INTS9: variants seen among roughly 807,000 people sequenced by gnomAD.
INTS9 encodes integrator complex subunit 9.
In INTS9, 55 loss-of-function variants were observed where a neutral mutation model predicts 79.7. That is an observed-to-expected ratio of 0.69 (90% CI 0.56 to 0.86). The LOEUF (loss-of-function observed/expected upper bound fraction) is 0.86, where lower values mean the gene tolerates loss of function less well. Ranked by LOEUF, INTS9 falls within the 40% of genes least tolerant of loss-of-function variation. The pLI is 0.00. For missense variants in INTS9, 721 were observed against 831.5 expected, an observed-to-expected ratio of 0.87 and a Z score of 1.64; for synonymous variants, 319 against 325.2, an observed-to-expected ratio of 0.98 and a Z score of 0.20.
chr8:28,879,729 G>A (rs1057106370), intron 1 of INTS9, among the ~76,000 whole-genome samples: 1 of 152,128 alleles, frequency 6.6e-6, no homozygotes, highest in Admixed American at 6.5e-5. Context: ...ATATTATTCA[G>A]CAAGAAAAAA....
rs1428192276 is a variant in INTS9, at chr8:28,884,383, C to T, written c.9+5491G>A. On this transcript the variant is annotated intron_variant, in intron 1 of 16. Transcript: ENST00000521022. Reference sequence around the variant, plus strand: ...TTTTTTTTGTACAGACAGGGTCTCACTATGTTGCCCAGGCTGGTCTGGAAC... The same window carrying T: ...TTTTTTTTGTACAGACAGGGTCTCATTATGTTGCCCAGGCTGGTCTGGAAC... 2.0e-5 allele frequency among the ~76,000 whole-genome samples: 3 copies of T among 151,938 alleles called. No homozygotes were observed. The East Asian group carries it at 5.8e-4, about 29-fold the overall frequency.
chr8:28,769,659 C>T (rs186374372), intron 16 of INTS9: 3 of 533,832 alleles, frequency 5.6e-6, no homozygotes, highest in Middle Eastern at 5.0e-4. Flanking sequence ...TTTCTTCAGT[C>T]TGGAGAGGCC....
At chr8:28,800,378 G>A (rs1169381732) in intron 8 of INTS9, among the ~76,000 whole-genome samples, 2 of 152,158 alleles carry the variant, frequency 1.3e-5, no homozygotes, top group African/African-American at 2.4e-5. Flanking sequence ...GGCCAGGATG[G>A]AGAGTGTACT....
intron 8 of INTS9, among the ~76,000 whole-genome samples, chr8:28,810,641 C>A (rs1056196954): frequency 6.6e-6 from 1 of 151,948 alleles, no homozygotes; most frequent in Admixed American, 6.6e-5. Flanking sequence ...TGTAGATAAA[C>A]AAATGTAATA....
chr8:28,804,379 G>A (rs997120423), intron 8 of INTS9, among the ~76,000 whole-genome samples: 2 of 152,226 alleles, frequency 1.3e-5, no homozygotes, highest in Non-Finnish European at 2.9e-5. Context: ...TCTACTGCGG[G>A]TGGAGGAGAG....
intron 6 of INTS9, among the ~76,000 whole-genome samples, chr8:28,815,416 T>A (rs1046160652): frequency 2.0e-5 from 3 of 152,150 alleles, no homozygotes; most frequent in African/African-American, 4.8e-5. Context: ...AAACATCATT[T>A]TGGAAATGAA....
At chr8:28,819,596 G>C (rs1805705711) in intron 6 of INTS9, among the ~76,000 whole-genome samples, 1 of 152,196 alleles carries the variant, frequency 6.6e-6, no homozygotes, top group Non-Finnish European at 1.5e-5. Context: ...TTTCGAATAG[G>C]TGTGGTGTGG....
At chr8:28,840,670 T>C (rs1183882765) in intron 4 of INTS9, among the ~76,000 whole-genome samples, 76 of 147,836 alleles carry the variant, frequency 5.1e-4, no homozygotes, top group African/African-American at 1.7e-3. Context: ...GAAATCATCA[T>C]TCTCAGTAAA....
intron 8 of INTS9, chr8:28,810,138 T>A (rs969470055): frequency 2.6e-5 from 4 of 152,360 alleles, no homozygotes; most frequent in African/African-American, 9.7e-5. Flanking sequence ...GGACTTTGTG[T>A]AAGAAGCATG....
intron 10 of INTS9, among the ~76,000 whole-genome samples, chr8:28,788,462 C>T (rs769598898): frequency 2.6e-5 from 4 of 152,166 alleles, no homozygotes; most frequent in Non-Finnish European, 4.4e-5. Context: ...TCTTGTTGCC[C>T]AGCTGGAGTG....
intron 9 of INTS9, among the ~76,000 whole-genome samples, chr8:28,794,863 G>T (rs1804109914): frequency 6.6e-6 from 1 of 152,174 alleles, no homozygotes; most frequent in Non-Finnish European, 1.5e-5. Flanking sequence ...TGCGGTTAGT[G>T]GACCCCACTT....
At chr8:28,825,988 A>G (rs1164577939) in intron 6 of INTS9, among the ~76,000 whole-genome samples, 4 of 152,240 alleles carry the variant, frequency 2.6e-5, no homozygotes, top group African/African-American at 9.6e-5. Flanking sequence ...TGACAGAAAC[A>G]TCAGTATGCA....
intron 11 of INTS9, among the ~76,000 whole-genome samples, chr8:28,786,029 TACC>T (rs1803566210): frequency 6.6e-6 from 1 of 152,242 alleles, no homozygotes. Context: ...CCAGGATCAC[TACC>T]ACACTGGCAT....
At chr8:28,849,756 GC>G (rs1344096142) in intron 3 of INTS9, among the ~76,000 whole-genome samples, 2 of 151,966 alleles carry the variant, frequency 1.3e-5, no homozygotes, top group African/African-American at 2.4e-5. Flanking sequence ...AAAGACCCAA[GC>G]TTTTTACAAA....
intron 1 of INTS9, among the ~76,000 whole-genome samples, chr8:28,868,800 C>T (rs954623886): frequency 1.3e-5 from 2 of 152,158 alleles, no homozygotes; most frequent in Non-Finnish European, 2.9e-5. Context: ...TGACATTGTG[C>T]TCTTTATAAC....
At chr8:28,835,470 C>A in intron 5 of INTS9, 92 bp from the exon 6 acceptor site, 1 of 764,546 alleles carries the variant, frequency 1.3e-6, no homozygotes, top group African/African-American at 1.7e-5. Context: ...ATGACTTGCC[C>A]ACCTCCCCCT....
intron 1 of INTS9, among the ~76,000 whole-genome samples, chr8:28,880,868 C>T (rs1275924008): frequency 7.5e-5 from 11 of 146,276 alleles, no homozygotes; most frequent in Non-Finnish European, 1.5e-4. Context: ...TCTGCCCGGC[C>T]GCCCATCGTC....
Position 28,843,966 on chromosome 8 carries a change from C to T in INTS9, c.261+2781G>A, listed in dbSNP as rs76156656. On this transcript the variant is annotated intron_variant, in intron 4 of 16. Coordinates refer to ENST00000521022, the MANE Select transcript of INTS9 (RefSeq NM_018250.4). ...AAGGTTTATGGTACTGCATGAAGCACGACGCAAGATCCATGAGAACTGCGA... is the reference window on the plus strand; with the variant it reads ...AAGGTTTATGGTACTGCATGAAGCATGACGCAAGATCCATGAGAACTGCGA... Among the ~76,000 whole-genome samples, 700 of 152,182 alleles carry T rather than the reference C, an allele frequency of 4.6e-3. 3 individuals carry two copies. The highest frequency in any genetic ancestry group is 0.016 in the African/African-American group (646 of 41,522).
chr8:28,799,746 T>TA (rs1008738190), intron 8 of INTS9, among the ~76,000 whole-genome samples: 3 of 152,198 alleles, frequency 2.0e-5, no homozygotes, highest in African/African-American at 7.2e-5. Context: ...TAAAATACCT[T>TA]ACAAAGTTGA....
Sources: gnomAD v4.1 joint callset for allele counts (sites outside exome capture counted in the v4.1 genomes callset) on GRCh38, gnomAD v4.1.1 for gene constraint, MANE v1.5 for transcripts, NCBI Gene and HGNC (gene_info 2026-07-23, HGNC 2026-07-21) for gene names.